SCFD2: variants seen among roughly 807,000 people sequenced by gnomAD.
The protein encoded by SCFD2 is sec1 family domain containing 2, also known as sec1 family domain-containing protein 2.
In SCFD2, 54 loss-of-function variants were observed where a neutral mutation model predicts 58.9. That is an observed-to-expected ratio of 0.92 (90% CI 0.74 to 1.15). SCFD2 has a LOEUF of 1.15. Among genes scored for constraint, SCFD2 ranks in the 50% most tolerant of loss-of-function variants. SCFD2 has a pLI of 0.00. For synonymous variants in SCFD2, 321 were observed against 335.9 expected (o/e 0.96, Z 0.49); for missense variants, 805 against 836.6 (o/e 0.96, Z 0.47).
chr4:53,068,272 T>C (rs1486096968), intron 5 of SCFD2, among the ~76,000 whole-genome samples: 1 of 152,126 alleles, frequency 6.6e-6, no homozygotes, highest in Admixed American at 6.6e-5. Context: ...AGAGTCTGTT[T>C]AAAATATACA....
intron 5 of SCFD2, among the ~76,000 whole-genome samples, chr4:52,930,287 G>T (rs1719959638): frequency 6.6e-6 from 1 of 152,104 alleles, no homozygotes. Flanking sequence ...AAGTGGTGCT[G>T]GGAAAACTGG....
At chr4:53,317,893 T>A (rs937649546) in intron 2 of SCFD2, among the ~76,000 whole-genome samples, 1 of 152,198 alleles carries the variant, frequency 6.6e-6, no homozygotes, top group Non-Finnish European at 1.5e-5. Flanking sequence ...GAACAAATCC[T>A]GACACACAAG....
chr4:53,189,078 A>G (rs1165244256), intron 4 of SCFD2, among the ~76,000 whole-genome samples: 1 of 152,236 alleles, frequency 6.6e-6, no homozygotes, highest in Non-Finnish European at 1.5e-5. Context: ...CACTGGTGAC[A>G]AGAATTATCA....
At position 53,092,519 on chromosome 4, in the gene SCFD2, A is replaced by G. The variant is rs145675290; in HGVS notation, c.1561+52814T>C. Among the ~76,000 whole-genome samples the G allele has an allele frequency of 4.4e-3, 646 of 146,486 alleles. 4 individuals carry two copies. Among genetic ancestry groups the G allele is most frequent in the African/African-American group, 0.015 (606 of 41,132 alleles). ...ATATTCATAGTAGCTTTATTTTTAA[A>G]GCCCCCAAATTGGAAACAACCTACA... On this transcript the variant is annotated intron_variant, in intron 5 of 8. Transcript: ENST00000401642.
intron 5 of SCFD2, among the ~76,000 whole-genome samples, chr4:53,105,019 G>A (rs1404269338): frequency 1.3e-5 from 2 of 152,244 alleles, no homozygotes; most frequent in Non-Finnish European, 2.9e-5. Context: ...TCAGACAATG[G>A]GTGCAGCTCA....
chr4:53,137,925 C>A (rs955902019), intron 5 of SCFD2, among the ~76,000 whole-genome samples: 2 of 152,312 alleles, frequency 1.3e-5, no homozygotes, highest in Admixed American at 6.5e-5. Context: ...TGCTGCTTCA[C>A]CTCAGTCCAC....
Position 53,276,018 on chromosome 4 carries a change from T to TTGTGTG in SCFD2, c.1136-2023_1136-2018dup, listed in dbSNP as rs146091115. ...TTCACAAACATCTGTGTACAGGTCT[T>TTGTGTG]TGTGTGTGTGTGTGTGTGTGTGTGT... On this transcript the variant is annotated intron_variant, in intron 3 of 8. Coordinates refer to ENST00000401642, the MANE Select transcript of SCFD2 (RefSeq NM_152540.4). Among the ~76,000 whole-genome samples the TTGTGTG allele has an allele frequency of 2.6e-3, 380 of 148,524 alleles. 1 individual carries two copies. Among genetic ancestry groups the TTGTGTG allele is most frequent in the African/African-American group, 8.9e-3 (363 of 40,728 alleles).
At chr4:52,960,057 A>C (rs1032445256) in intron 5 of SCFD2, among the ~76,000 whole-genome samples, 1 of 152,126 alleles carries the variant, frequency 6.6e-6, no homozygotes, top group African/African-American at 2.4e-5. Flanking sequence ...TTTTTCTCTG[A>C]ATTTATGTTC....
At chr4:53,294,411 T>C (rs1427034053) in intron 3 of SCFD2, among the ~76,000 whole-genome samples, 1 of 152,244 alleles carries the variant, frequency 6.6e-6, no homozygotes, top group African/African-American at 2.4e-5. Flanking sequence ...TGAGCATTTT[T>C]TCATGTTCGT....
At chr4:52,988,111 A>G (rs1447581034) in intron 5 of SCFD2, among the ~76,000 whole-genome samples, 1 of 152,194 alleles carries the variant, frequency 6.6e-6, no homozygotes, top group Non-Finnish European at 1.5e-5. Flanking sequence ...TGGGAGGAGA[A>G]GGAGAAACCT....
rs773119791 is a variant in SCFD2 at position 52,920,890 on chromosome 4, T to C, written c.1562-20A>G. 1.3e-6 allele frequency: 2 copies of C among 1,565,222 alleles called. No homozygotes were observed. Among genetic ancestry groups the C allele is most frequent in the Non-Finnish European group, 1.7e-6 (2 of 1,149,168 alleles). On this transcript the variant is annotated intron_variant, in intron 5 of 8. Transcript: ENST00000401642. Reference sequence around the variant, plus strand: ...CCCAGTCTGAAAAAATCCAGAGATATTTTCTTGAGTGAGTAAATCTTTAAG... The same window carrying C: ...CCCAGTCTGAAAAAATCCAGAGATACTTTCTTGAGTGAGTAAATCTTTAAG...
chr4:53,130,905 C>G (rs1363326523), intron 5 of SCFD2, among the ~76,000 whole-genome samples: 1 of 152,202 alleles, frequency 6.6e-6, no homozygotes, highest in Non-Finnish European at 1.5e-5. Context: ...GCAGAGAACA[C>G]TGATCATGCT....
chr4:53,133,964 C>A (rs959062855), intron 5 of SCFD2, among the ~76,000 whole-genome samples: 2 of 152,084 alleles, frequency 1.3e-5, no homozygotes, highest in Admixed American at 1.3e-4. Flanking sequence ...TACCAGAATG[C>A]CAATATCTCT....
intron 5 of SCFD2, among the ~76,000 whole-genome samples, chr4:53,049,460 G>A (rs145423306): frequency 0.013 from 1,997 of 152,176 alleles, 43 homozygotes; most frequent in African/African-American, 0.046. Flanking sequence ...TTATTTAGTC[G>A]TCACAACAGA....
chr4:53,305,542 A>G (rs898809534), intron 3 of SCFD2, among the ~76,000 whole-genome samples: 4 of 152,220 alleles, frequency 2.6e-5, no homozygotes, highest in African/African-American at 9.6e-5. Context: ...ACATGTGCAA[A>G]GATGTAAAAT....
Position 53,071,610 on chromosome 4 carries a change from A to G in SCFD2, c.1561+73723T>C, listed in dbSNP as rs551988619. 4.3e-4 allele frequency among the ~76,000 whole-genome samples: 65 copies of G among 152,194 alleles called. 2 individuals carry two copies. The highest frequency in any genetic ancestry group is 2.3e-3 in the Admixed American group (35 of 15,260). ...ACAAAAAAATCCTGAGGCTCAAGGC[A>G]TGTTATCTTGCCAAAAGTTAATAAT... On this transcript the variant is annotated intron_variant, in intron 5 of 8. Coordinates refer to ENST00000401642, the MANE Select transcript of SCFD2 (RefSeq NM_152540.4).
At chr4:53,231,042 G>A (rs1335165976) in intron 4 of SCFD2, among the ~76,000 whole-genome samples, 1 of 152,012 alleles carries the variant, frequency 6.6e-6, no homozygotes, top group African/African-American at 2.4e-5. Flanking sequence ...AGAGTGAGAT[G>A]GATGCAAATA....
intron 5 of SCFD2, among the ~76,000 whole-genome samples, chr4:53,135,280 C>A (rs1725902825): frequency 6.6e-6 from 1 of 152,138 alleles, no homozygotes; most frequent in Non-Finnish European, 1.5e-5. Context: ...TTGTTAAGTC[C>A]ACAAGCTGAA....
rs567706235 is a variant in SCFD2 at position 53,249,771 on chromosome 4, G to A, written c.1311+24055C>T. Among the ~76,000 whole-genome samples, 678 of 152,230 alleles carry A rather than the reference G, an allele frequency of 4.5e-3. 1 individual carries two copies. The highest frequency in any genetic ancestry group is 7.3e-3 in the Non-Finnish European group (498 of 68,014). On this transcript the variant is annotated intron_variant, in intron 4 of 8. Coordinates refer to ENST00000401642, the MANE Select transcript of SCFD2 (RefSeq NM_152540.4). ...ATGCTGAGAGATTTTGTCACCACCA[G>A]GCCTGCCCTAAAAGAGCTCCTGAAG...
Sources: gnomAD v4.1 joint callset for allele counts (sites outside exome capture counted in the v4.1 genomes callset) on GRCh38, gnomAD v4.1.1 for gene constraint, MANE v1.5 for transcripts, NCBI Gene and HGNC (gene_info 2026-07-23, HGNC 2026-07-21) for gene names.